Variants in CFAP54 observed in about 807,000 individuals in gnomAD.
CFAP54 encodes the protein cilia- and flagella-associated protein 54.
Under a neutral mutation model 370.4 loss-of-function variants are expected in CFAP54, and 290 were observed. The observed-to-expected ratio is 0.78, with a 90% CI of 0.71 to 0.86. The LOEUF is 0.86. CFAP54 is among the 40% of genes least tolerant of loss of function. The probability of loss-of-function intolerance (pLI) is 0.00; values close to 1 mark genes in which losing one functional copy is unlikely to be tolerated. For synonymous variants in CFAP54, 1,206 were observed against 1,236.5 expected (o/e 0.98, Z 0.52); for missense variants, 3,399 against 3,528.7 (o/e 0.96, Z 0.93).
At chr12:96,694,725 GA>G (rs890986875) in intron 45 of CFAP54, among the ~76,000 whole-genome samples, 15 of 147,460 alleles carry the variant, frequency 1.0e-4, no homozygotes, top group African/African-American at 2.0e-4. Flanking sequence ...AATTGGCTCT[GA>G]AAAAAAAAAC....
rs755997441 is a variant in CFAP54, at chr12:96,739,963, A to G, written c.6973A>G (p.Ile2325Val). ...ATATATTTTCTATTTTAGTGCTGCA[A>G]TAGTATTTTCTACACTTACACTTCT... is the stretch of plus-strand genomic sequence containing the variant. The part of the protein sequence containing the change: ...QRHRAAYSAA[I>V]VFSTLTLLQD... The change falls in exon 51 of 68, where the codon ATA becomes GTA. Residue 2325 changes from isoleucine (I) to valine (V), a missense_variant. By Grantham distance (29) the Ile-to-Val change is conservative. This residue lies in a region of CFAP54 where 2,796 missense variants were observed against 2,869.7 expected (regional missense o/e 0.97). Coordinates refer to ENST00000524981, the MANE Select transcript of CFAP54 (RefSeq NM_001306084.2). The G allele has an allele frequency of 8.5e-6, 13 of 1,531,594 alleles. No individual in the cohort carries two copies. The highest frequency in any genetic ancestry group is 8.2e-5 in the African/African-American group (6 of 72,814). The allele number at this position is 1,531,594 out of a possible 1,614,324, so 94.9% of individuals were successfully genotyped here.
chr12:96,687,524 A>T (rs1410568884), intron 42 of CFAP54, among the ~76,000 whole-genome samples: 1 of 152,124 alleles, frequency 6.6e-6, no homozygotes, highest in Non-Finnish European at 1.5e-5. Flanking sequence ...TACCTGTCGG[A>T]GGTGGTGAGC....
intron 48 of CFAP54, among the ~76,000 whole-genome samples, chr12:96,712,709 C>T (rs897458385): frequency 2.6e-5 from 4 of 152,090 alleles, no homozygotes; most frequent in South Asian, 2.1e-4. Context: ...TAGTAACCAC[C>T]GTTCTCTCTA....
rs115766786 is a variant in CFAP54 at position 96,753,837 on chromosome 12, G to A, written c.7779G>A (p.Lys2593=). Residue 2593 remains lysine, a synonymous_variant, in exon 56 of 68, where the codon AAG becomes AAA. Coordinates refer to ENST00000524981, the MANE Select transcript of CFAP54 (RefSeq NM_001306084.2). ...PALHLFDVAL[K]LCRTTAVEEH... is the part of the protein sequence containing the mutation. ...TTCATCTGTTTGATGTGGCACTGAA[G>A]CTCTGTAGAACAACAGCAGTGGAGG... 1,366 of 1,614,028 alleles carry A rather than the reference G, an allele frequency of 8.5e-4. 12 individuals carry two copies. The highest frequency in any genetic ancestry group is 5.3e-3 in the Middle Eastern group (32 of 6,060).
At position 96,518,972 on chromosome 12, in the gene CFAP54, G is replaced by A. The variant is rs544916513; in HGVS notation, c.843G>A (p.Leu281=). ...LLWASMCMES[L]VPLLSLRYLT... ...GGGCCAGCATGTGTATGGAGTCCTT[G>A]GTCCCGCTCCTGTCACTCAGGTACT... The change falls in exon 6 of 68, where the codon TTG becomes TTA. Residue 281 remains leucine (L), a synonymous_variant. Transcript: ENST00000524981. The A allele has an allele frequency of 6.5e-7, 1 of 1,535,984 alleles. No homozygotes were observed. Among genetic ancestry groups the A allele is most frequent in the Non-Finnish European group, 8.7e-7 (1 of 1,146,850 alleles).
At chr12:96,815,052 T>A (rs1385423156) in intron 64 of CFAP54, among the ~76,000 whole-genome samples, 1 of 152,204 alleles carries the variant, frequency 6.6e-6, no homozygotes, top group Admixed American at 6.5e-5. Flanking sequence ...TGAGTTATGA[T>A]CCTTTGGGTA....
chr12:96,628,013 C>T (rs996778462), intron 30 of CFAP54, among the ~76,000 whole-genome samples: 1 of 152,176 alleles, frequency 6.6e-6, no homozygotes, highest in Non-Finnish European at 1.5e-5. Flanking sequence ...TATGTTACAA[C>T]ATCGCCTACA....
intron 32 of CFAP54, among the ~76,000 whole-genome samples, chr12:96,638,184 C>CATATATATATAT (rs61605059): frequency 1.2e-4 from 17 of 137,638 alleles, no homozygotes; most frequent in Non-Finnish European, 1.7e-4. Flanking sequence ...TTAGCTGCAT[C>CATATATATATAT]ATATATATAT....
chr12:96,847,963 G>T (rs1959405796), intron 66 of CFAP54, among the ~76,000 whole-genome samples: 1 of 152,188 alleles, frequency 6.6e-6, no homozygotes, highest in African/African-American at 2.4e-5. Flanking sequence ...TCTATTCTTA[G>T]ACAATGTAAC....
At chr12:96,520,508 A>G (rs7968676) in intron 6 of CFAP54, among the ~76,000 whole-genome samples, 79,399 of 151,884 alleles carry the variant, frequency 0.52, 21,210 homozygotes, top group East Asian at 0.69. Context: ...GTGAAACTCC[A>G]TCTCAAAAAA....
intron 13 of CFAP54, among the ~76,000 whole-genome samples, chr12:96,540,571 A>G (rs1279705216): frequency 6.6e-6 from 1 of 152,228 alleles, no homozygotes; most frequent in Non-Finnish European, 1.5e-5. Flanking sequence ...ATTTGCCATA[A>G]TGGCTATAGA....
At chr12:96,773,135 T>G (rs1204489920) in intron 60 of CFAP54, among the ~76,000 whole-genome samples, 4 of 152,222 alleles carry the variant, frequency 2.6e-5, no homozygotes, top group African/African-American at 9.6e-5. Context: ...CAAAGGACTT[T>G]CAAATTCAAT....
intron 44 of CFAP54, 147 bp from the exon 45 acceptor site, chr12:96,693,575 C>G: frequency 1.9e-6 from 1 of 520,286 alleles, no homozygotes; most frequent in Admixed American, 3.6e-5. Context: ...TAGATTATTT[C>G]ACTTATTTTC....
intron 25 of CFAP54, among the ~76,000 whole-genome samples, chr12:96,596,130 A>G (rs1250569329): frequency 6.6e-6 from 1 of 152,188 alleles, no homozygotes; most frequent in Non-Finnish European, 1.5e-5. Flanking sequence ...TCATCTGTCC[A>G]GTGTTAATGA....
intron 55 of CFAP54, among the ~76,000 whole-genome samples, chr12:96,753,368 C>A (rs1369512456): frequency 6.6e-6 from 1 of 152,110 alleles, no homozygotes; most frequent in Admixed American, 6.5e-5. Context: ...TTAATATTTG[C>A]AAATTTTATT....
chr12:96,632,632 A>G (rs1051277807), intron 32 of CFAP54, among the ~76,000 whole-genome samples: 2 of 151,814 alleles, frequency 1.3e-5, no homozygotes, highest in African/African-American at 2.4e-5. Flanking sequence ...CATCATAATT[A>G]CTCTAGTTTT....
Position 96,651,677 on chromosome 12 carries a change from T to G in CFAP54, c.4962T>G (p.Leu1654=). Residue 1654 remains leucine, a synonymous_variant, in exon 36 of 68, where the codon CTT becomes CTG. Coordinates refer to ENST00000524981, the MANE Select transcript of CFAP54 (RefSeq NM_001306084.2). The part of the protein sequence containing the change: ...WNFTQELQIL[L]KQAVDLDKTF... ...TTACTCAGGAACTACAAATACTTCTTAAACAGGCAGTGGATCTTGATAAAA... is the reference window on the plus strand; with the variant it reads ...TTACTCAGGAACTACAAATACTTCTGAAACAGGCAGTGGATCTTGATAAAA... 6.2e-7 allele frequency: 1 copy of G among 1,614,132 alleles called. No individual in the cohort carries two copies. The highest frequency in any genetic ancestry group is 8.5e-7 in the Non-Finnish European group (1 of 1,179,996).
At chr12:96,700,753 G>C (rs1957482921) in intron 46 of CFAP54, among the ~76,000 whole-genome samples, 1 of 152,034 alleles carries the variant, frequency 6.6e-6, no homozygotes. Context: ...GGAATCACTG[G>C]GTGATCATGC....
intron 66 of CFAP54, among the ~76,000 whole-genome samples, chr12:96,850,385 T>TTA (rs1959505939): frequency 1.3e-5 from 2 of 150,570 alleles, no homozygotes; most frequent in Non-Finnish European, 2.9e-5. Context: ...AGGAGTCTGA[T>TTA]TCAGGGGAGT....
Sources: gnomAD v4.1 joint callset for allele counts (sites outside exome capture counted in the v4.1 genomes callset) on GRCh38, gnomAD v4.1.1 for gene constraint, gnomAD v4.1.1 regional missense constraint, MANE v1.5 for transcripts, NCBI Gene and HGNC (gene_info 2026-07-23, HGNC 2026-07-21) for gene names.